Variants in UBQLN4 observed in about 807,000 individuals in gnomAD.
UBQLN4 encodes the protein ubiquilin 4, also known as ubiquilin-4.
Under a neutral mutation model 60.4 loss-of-function variants are expected in UBQLN4, and 11 were observed. That is an observed-to-expected ratio of 0.18 (90% CI 0.11 to 0.30). The LOEUF is 0.30. Among genes scored for constraint, UBQLN4 ranks in the 10% least tolerant of loss-of-function variants. UBQLN4 has a pLI of 1.00. For missense variants in UBQLN4, 417 were observed against 795.5 expected (o/e 0.52, Z 5.72); for synonymous variants, 258 against 313.1 (o/e 0.82, Z 1.86).
downstream of UBQLN4, among the ~76,000 whole-genome samples, chr1:156,032,294 G>T (rs1451828718): frequency 6.7e-6 from 1 of 148,414 alleles, no homozygotes; most frequent in African/African-American, 2.5e-5. Context: ...GAGCCACCGC[G>T]CCCGGCCAAA....
intron 10 of UBQLN4, among the ~76,000 whole-genome samples, chr1:156,040,346 C>T (rs1286705575): frequency 1.3e-5 from 2 of 150,932 alleles, no homozygotes; most frequent in African/African-American, 4.9e-5. Flanking sequence ...CGCCATTGCA[C>T]TCCAGCCTGG....
chr1:156,031,273 G>A (rs763853318), downstream of UBQLN4, among the ~76,000 whole-genome samples: 9 of 152,098 alleles, frequency 5.9e-5, no homozygotes, highest in African/African-American at 2.2e-4. Context: ...CATTTATTGA[G>A]TACTTACCAC....
intron 5 of UBQLN4, among the ~76,000 whole-genome samples, chr1:156,047,819 G>A (rs1683753388): frequency 1.3e-5 from 2 of 149,844 alleles, no homozygotes; most frequent in African/African-American, 4.9e-5. Flanking sequence ...TTGAACCCGG[G>A]AGGCGGAGGT....
downstream of UBQLN4, among the ~76,000 whole-genome samples, chr1:156,031,634 A>C (rs1430058079): frequency 1.4e-5 from 2 of 142,128 alleles, no homozygotes. Context: ...GTTGGTGTGC[A>C]GTGGCACGAT....
Position 156,051,768 on chromosome 1 carries a change from T to G in UBQLN4, c.198A>C (p.Thr66=). Residue 66 remains threonine, a synonymous_variant, in exon 2 of 11, where the codon ACA becomes ACC. Coordinates refer to ENST00000368309, the MANE Select transcript of UBQLN4 (RefSeq NM_020131.5). The part of the protein sequence containing the change: ...FAGKILKDGD[T]LNQHGIKDGL... ...CGTCCTTGATTCCGTGCTGGTTCAG[T>G]GTGTCCCCATCCTTGAGGATCTTGC... The G allele has an allele frequency of 6.2e-7, 1 of 1,614,142 alleles. No individual in the cohort carries two copies. The highest frequency in any genetic ancestry group is 1.3e-5 in the African/African-American group (1 of 75,040).
At chr1:156,039,539 C>T (rs949425696) in intron 10 of UBQLN4, among the ~76,000 whole-genome samples, 1 of 152,002 alleles carries the variant, frequency 6.6e-6, no homozygotes, top group African/African-American at 2.4e-5. Flanking sequence ...AGTGAGCCAC[C>T]GCCTGGCTAG....
chr1:156,040,269 G>A (rs1431297991), intron 10 of UBQLN4, among the ~76,000 whole-genome samples: 1 of 151,656 alleles, frequency 6.6e-6, no homozygotes, highest in Non-Finnish European at 1.5e-5. Context: ...GGTGGCGCGT[G>A]CCTGTAATCC....
At position 156,042,182 on chromosome 1, in the gene UBQLN4, G is replaced by A. The variant is rs753210115; in HGVS notation, c.1321C>T (p.Arg441Cys). 14 of 1,607,644 alleles carry A rather than the reference G, an allele frequency of 8.7e-6. No homozygotes were observed. Among genetic ancestry groups the A allele is most frequent in the African/African-American group, 6.7e-5 (5 of 74,588 alleles). The change falls in exon 8 of 11, where the codon CGC becomes TGC. Residue 441 changes from arginine to cysteine, a missense_variant. Arg to Cys is a radical substitution (Grantham distance 180, BLOSUM62 -3). Coordinates refer to ENST00000368309, the MANE Select transcript of UBQLN4 (RefSeq NM_020131.5). ...TGCAGGAAGACTGGGAGCTGCAGGC[G>A]GAGCTGCTCCTGCAGTTGGGGGTTC... ...AGNPQLQEQL[R>C]LQLPVFLQQM... is the part of the protein sequence containing the mutation.
intron 10 of UBQLN4, among the ~76,000 whole-genome samples, chr1:156,040,521 C>T (rs1266679536): frequency 4.1e-5 from 6 of 147,536 alleles, no homozygotes; most frequent in Non-Finnish European, 8.9e-5. Flanking sequence ...TCTTGGCTCA[C>T]TGCAAGCTCC....
downstream of UBQLN4, among the ~76,000 whole-genome samples, chr1:156,033,922 A>G (rs1223923079): frequency 6.6e-6 from 1 of 151,766 alleles, no homozygotes; most frequent in African/African-American, 2.4e-5. Context: ...ACCTTTTCCT[A>G]ACTGGCCTCC....
intron 7 of UBQLN4, 51 bp downstream of exon 7, chr1:156,042,723 A>G: frequency 6.3e-7 from 1 of 1,596,754 alleles, no homozygotes; most frequent in Non-Finnish European, 8.6e-7. Context: ...ACTGCCCCCA[A>G]CCAAGAGGAA....
At chr1:156,040,499 G>A (rs1445288051) in intron 10 of UBQLN4, among the ~76,000 whole-genome samples, 3 of 142,412 alleles carry the variant, frequency 2.1e-5, no homozygotes. Flanking sequence ...AGGCTGGAGT[G>A]CAGTGGCGCC....
Position 156,050,522 on chromosome 1 carries a change from G to A in UBQLN4, c.510C>T (p.Ser170=), listed in dbSNP as rs1468103488. 1 of 1,613,244 alleles carries A rather than the reference G, an allele frequency of 6.2e-7. No homozygotes were observed. Among genetic ancestry groups the A allele is most frequent in the Admixed American group, 1.7e-5 (1 of 59,962 alleles). ...SGFGGILGLG[S]LGLGSANFME... ...TGAAGTTGGCAGAGCCCAGGCCTAG[G>A]CTGCCCAGCCCCAGGATGCCCCCAA... The change falls in exon 4 of 11, where the codon AGC becomes AGT. Residue 170 remains serine, a synonymous_variant. Coordinates refer to ENST00000368309, the MANE Select transcript of UBQLN4 (RefSeq NM_020131.5). The surrounding 1 kb of genome is among the most constrained non-coding windows in gnomAD (Gnocchi z 4.6).
Position 156,041,558 on chromosome 1 carries a change from G to C in UBQLN4, c.1580C>G (p.Thr527Arg), listed in dbSNP as rs201431809. 1 of 1,613,372 alleles carries C rather than the reference G, an allele frequency of 6.2e-7. No individual in the cohort carries two copies. Among genetic ancestry groups the C allele is most frequent in the East Asian group, 2.2e-5 (1 of 44,842 alleles). The change falls in exon 10 of 11, where the codon ACA (threonine) becomes AGA (arginine). Residue 527 changes from threonine (T) to arginine (R), a missense_variant. Physicochemically the swap from Thr to Arg is moderately conservative, Grantham distance 71. Transcript: ENST00000368309. ...TTGCTGCTGGGCGCTGGAAGCCCCT[G>C]TTGGAGAAGATGTGGCTGGCGTGGC... Reference protein sequence around the residue: ...SPATPATSSPTGASSAQQQLM... With the variant: ...SPATPATSSPRGASSAQQQLM...
Position 156,036,119 on chromosome 1 carries a change from C to CT in UBQLN4, c.*858dup. 1 of 985,598 alleles carries CT rather than the reference C, an allele frequency of 1.0e-6. No homozygotes were observed. Among genetic ancestry groups the CT allele is most frequent in the Non-Finnish European group, 1.2e-6 (1 of 829,964 alleles). The allele number at this position is 985,598 out of a possible 1,614,324, so 61.1% of individuals were successfully genotyped here. A position where few individuals can be genotyped will look rare whatever the true frequency, so the allele number is the denominator to read the frequency against. ...CGTGGCGCTTAGCTTCATTGGGCTC[C>CT]TTTTTTCAGTTTAAATTCCATTAGC... On this transcript the variant is annotated 3_prime_UTR_variant, in exon 11 of 11. Coordinates refer to ENST00000368309, the MANE Select transcript of UBQLN4 (RefSeq NM_020131.5).
chr1:156,038,084 A>AT (rs908988635), intron 10 of UBQLN4, among the ~76,000 whole-genome samples: 2 of 151,642 alleles, frequency 1.3e-5, no homozygotes, highest in Admixed American at 6.6e-5. Context: ...TTAAAAAAAA[A>AT]TTTTTTTTTG....
In UBQLN4 at chr1:156,041,900, G is replaced by A. The variant is rs757461582; in HGVS notation, c.1438C>T (p.Gln480Ter). 6.2e-7 allele frequency: 1 copy of A among 1,613,674 alleles called. No individual in the cohort carries two copies. Among genetic ancestry groups the A allele is most frequent in the South Asian group, 1.1e-5 (1 of 91,032 alleles). The change falls in exon 9 of 11, where the codon CAG becomes TAG. Residue 480 changes from glutamine (Q) to a stop codon, truncating the protein, a stop_gained. Coordinates refer to ENST00000368309, the MANE Select transcript of UBQLN4 (RefSeq NM_020131.5). LOFTEE classifies it high-confidence loss of function. Reference protein sequence around the residue: ...LQIQQGLQTLQTEAPGLVPSL... With the variant: ...LQIQQGLQTL ...GGTACCAGCCCAGGGGCCTCGGTCT[G>A]CAAGGTCTGTAGTCCCTGCTGGATC...
downstream of UBQLN4, among the ~76,000 whole-genome samples, chr1:156,034,947 G>T (rs1683366536): frequency 7.0e-6 from 1 of 143,174 alleles, no homozygotes; most frequent in African/African-American, 2.6e-5. Flanking sequence ...CAGCTCACTG[G>T]AGCCTTGACT....
intron 5 of UBQLN4, among the ~76,000 whole-genome samples, chr1:156,044,524 G>A (rs1024623703): frequency 9.2e-5 from 14 of 151,916 alleles, no homozygotes; most frequent in Non-Finnish European, 1.8e-4. Flanking sequence ...GTAACCCACC[G>A]CACTTTACAC....
Sources: allele counts gnomAD v4.1 joint callset (sites outside exome capture counted in the v4.1 genomes callset), GRCh38; gene constraint gnomAD v4.1.1; non-coding constraint Gnocchi (gnomAD v3.1); transcripts MANE v1.5; gene names NCBI Gene and HGNC (gene_info 2026-07-23, HGNC 2026-07-21).